The following TPTE variants were observed in gnomAD, a reference collection of about 807,000 sequenced individuals.
The protein encoded by TPTE is putative tyrosine-protein phosphatase TPTE.
In TPTE, 59 loss-of-function variants were observed where a neutral mutation model predicts 84.1. The ratio of observed to expected loss-of-function variants is 0.70; its 90% confidence interval spans 0.57 to 0.87. The LOEUF (loss-of-function observed/expected upper bound fraction) is 0.87, where lower values mean the gene tolerates loss of function less well. Among genes scored for constraint, TPTE ranks in the 40% least tolerant of loss-of-function variants. The pLI is 0.00. For synonymous variants in TPTE, 130 were observed against 223.5 expected (o/e 0.58, Z 3.73); for missense variants, 382 against 659.6 (o/e 0.58, Z 4.61).
intron 6 of TPTE, 144 bp downstream of exon 6, chr21:10,542,592 C>A (rs2074390859): frequency 8.7e-7 from 1 of 1,146,124 alleles, no homozygotes; most frequent in South Asian, 1.4e-5. Flanking sequence ...TCCATCCATT[C>A]ATCCATCCAT....
intron 14 of TPTE, among the ~76,000 whole-genome samples, chr21:10,573,897 C>A (rs1158314966): frequency 3.3e-5 from 5 of 152,418 alleles, no homozygotes; most frequent in African/African-American, 1.2e-4. Flanking sequence ...TCTTCAGGCC[C>A]AGGCTCAAAA....
intron 7 of TPTE, among the ~76,000 whole-genome samples, chr21:10,547,304 G>T (rs1300561318): frequency 4.6e-5 from 7 of 152,306 alleles, no homozygotes; most frequent in Non-Finnish European, 7.3e-5. Context: ...CAGCAAAGGA[G>T]TGGAGACACA....
At chr21:10,549,828 A>T (rs1340555962) in intron 7 of TPTE, among the ~76,000 whole-genome samples, 17 of 152,420 alleles carry the variant, frequency 1.1e-4, no homozygotes, top group African/African-American at 4.1e-4. Context: ...ATCTAGTTCC[A>T]GGAAGATCAA....
intron 17 of TPTE, 135 bp from the exon 18 acceptor site, chr21:10,590,327 C>G: frequency 6.8e-7 from 1 of 1,481,456 alleles, no homozygotes; most frequent in Non-Finnish European, 9.0e-7. Flanking sequence ...TGCCACTGCA[C>G]TCCAGCCTGC....
intron 6 of TPTE, 113 bp downstream of exon 6, chr21:10,542,561 A>T: frequency 7.4e-7 from 1 of 1,359,966 alleles, no homozygotes; most frequent in Non-Finnish European, 1.0e-6. Context: ...CCATCCATCC[A>T]TTCATCCATC....
chr21:10,535,726 G>T (rs1439718720), intron 3 of TPTE, among the ~76,000 whole-genome samples: 2 of 152,422 alleles, frequency 1.3e-5, no homozygotes, highest in East Asian at 1.9e-4. Flanking sequence ...TCAGCAAAAA[G>T]AACAGAGTTC....
At chr21:10,540,256 C>G (rs1292475959) in intron 4 of TPTE, among the ~76,000 whole-genome samples, 5 of 152,306 alleles carry the variant, frequency 3.3e-5, no homozygotes, top group African/African-American at 7.2e-5. Context: ...TACATACATG[C>G]ATTCGTACAC....
chr21:10,560,979 GC>G (rs768499833), intron 9 of TPTE, 50 bp from the exon 10 acceptor site: 1,028 of 1,574,436 alleles, frequency 6.5e-4, no homozygotes, highest in Middle Eastern at 6.5e-3. Flanking sequence ...AGGGACAAAT[GC>G]CCCTTTATCT....
chr21:10,599,860 CTT>C (rs59780138), intron 21 of TPTE, among the ~76,000 whole-genome samples: 112 of 147,088 alleles, frequency 7.6e-4, no homozygotes, highest in African/African-American at 2.5e-3. Flanking sequence ...TCTTCCTTTC[CTT>C]TTTTTTTTTT....
intron 10 of TPTE, among the ~76,000 whole-genome samples, chr21:10,566,825 A>C (rs1361363733): frequency 2.6e-5 from 4 of 152,306 alleles, no homozygotes; most frequent in Non-Finnish European, 5.9e-5. Flanking sequence ...AAAAATACAA[A>C]AATTAGCTGG....
chr21:10,559,872 T>TAAAAAAA (rs61583687), intron 9 of TPTE, among the ~76,000 whole-genome samples: 99 of 116,762 alleles, frequency 8.5e-4, no homozygotes, highest in African/African-American at 2.1e-3. Context: ...AGACTCCATG[T>TAAAAAAA]AAAAAAAAAA....
chr21:10,576,830 CATATATACATATATATAT>C (rs2075162019), intron 14 of TPTE, among the ~76,000 whole-genome samples: 1 of 126,822 alleles, frequency 7.9e-6, no homozygotes, highest in African/African-American at 2.8e-5. Flanking sequence ...AAAGGTTATA[CATATATACATATATATAT>C]ATATATATAT....
intron 14 of TPTE, among the ~76,000 whole-genome samples, chr21:10,571,353 T>G (rs893101678): frequency 1.3e-5 from 2 of 152,310 alleles, no homozygotes; most frequent in Admixed American, 1.3e-4. Context: ...GAGACAACTA[T>G]TGGAAAAAGT....
rs1232015816 is a variant in TPTE, at chr21:10,605,639, G to A, written c.*87G>A. ...CATATATCCTAAATCTATCCTAAAT[G>A]TTCCTTGAAGTATTTATTTATGTTT... On this transcript the variant is annotated 3_prime_UTR_variant, in exon 24 of 24. Coordinates refer to ENST00000618007, the MANE Select transcript of TPTE (RefSeq NM_199261.4). 4.4e-6 allele frequency: 7 copies of A among 1,584,050 alleles called. No individual in the cohort carries two copies. The highest frequency in any genetic ancestry group is 2.4e-5 in the South Asian group (2 of 84,466).
intron 14 of TPTE, among the ~76,000 whole-genome samples, chr21:10,574,265 T>A (rs2075106314): frequency 6.6e-6 from 1 of 152,312 alleles, no homozygotes; most frequent in South Asian, 2.1e-4. Context: ...TATCGAGGGC[T>A]GGTATCAGTT....
intron 23 of TPTE, 74 bp downstream of exon 23, chr21:10,603,706 T>C (rs1334747865): frequency 1.1e-4 from 163 of 1,547,424 alleles, no homozygotes; most frequent in Non-Finnish European, 1.3e-4. Context: ...TGGCAAGTCT[T>C]TTGCTGGTTG....
chr21:10,602,786 C>T, intron 22 of TPTE: 1 of 518,096 alleles, frequency 1.9e-6, no homozygotes, highest in South Asian at 1.4e-5. Flanking sequence ...AAGGGGGAGC[C>T]ATCCAGGAGA....
At chr21:10,527,446 G>A (rs1199924884) in intron 3 of TPTE, 34 bp downstream of exon 3, 2 of 152,760 alleles carry the variant, frequency 1.3e-5, no homozygotes, top group Admixed American at 6.5e-5. Context: ...GAAAAATACT[G>A]GGAGCATCAA....
At chr21:10,587,704 C>T (rs368040298) in intron 17 of TPTE, among the ~76,000 whole-genome samples, 298 of 151,382 alleles carry the variant, frequency 2.0e-3, no homozygotes, top group African/African-American at 7.0e-3. Flanking sequence ...CGCCTGCCAC[C>T]ACACCCAGCT....
Sources: gnomAD v4.1 joint callset for allele counts (sites outside exome capture counted in the v4.1 genomes callset) on GRCh38, gnomAD v4.1.1 for gene constraint, MANE v1.5 for transcripts, NCBI Gene and HGNC (gene_info 2026-07-23, HGNC 2026-07-21) for gene names.